Variants in TRAP1 observed in about 807,000 individuals in gnomAD.
TRAP1 encodes the protein heat shock protein 75 kDa, mitochondrial.
In TRAP1, 102 loss-of-function variants were observed where a neutral mutation model predicts 89.1. That is an observed-to-expected ratio of 1.15 (90% CI 0.98 to 1.35). The LOEUF (loss-of-function observed/expected upper bound fraction) is 1.35, where lower values mean the gene tolerates loss of function less well. Among genes scored for constraint, TRAP1 ranks in the 40% most tolerant of loss-of-function variants. The pLI is 0.00. For missense variants in TRAP1, 1,256 were observed against 945.3 expected, an observed-to-expected ratio of 1.33 and a Z score of -4.31; for synonymous variants, 508 against 388.0, an observed-to-expected ratio of 1.31 and a Z score of -3.64.
intron 7 of TRAP1, 37 bp downstream of exon 7, chr16:3,675,999 G>A (rs774039367): frequency 6.4e-7 from 1 of 1,573,506 alleles, no homozygotes; most frequent in Non-Finnish European, 8.7e-7. Context: ...GCCACACATG[G>A]ATCCCAGAGT....
intron 4 of TRAP1, among the ~76,000 whole-genome samples, chr16:3,685,315 C>T (rs1470053103): frequency 6.6e-5 from 10 of 152,230 alleles, no homozygotes; most frequent in Admixed American, 6.5e-4. Context: ...TGACACCTCA[C>T]AAAAGCCCCT....
rs137858605 is a variant in TRAP1 at position 3,686,077 on chromosome 16, T to A, written c.390A>T (p.Lys130Asn). The change falls in exon 4 of 18, where the codon AAA (lysine) becomes AAT (asparagine). Residue 130 changes from lysine to asparagine, a missense_variant. Transcript: ENST00000246957. The stretch of plus-strand genomic sequence containing the variant: ...GCAGTGCTTGGCCGTCAGACACCAG[T>A]TTGTGACGCAGTTTTTCCAAGGCAT... ...ASDALEKLRH[K>N]LVSDGQALPE... is the part of the protein sequence containing the mutation. 9 of 1,613,830 alleles carry A rather than the reference T, an allele frequency of 5.6e-6. No homozygotes were observed. Among genetic ancestry groups the A allele is most frequent in the Non-Finnish European group, 5.9e-6 (7 of 1,179,988 alleles).
chr16:3,674,205 G>T lies in TRAP1; in HGVS notation c.1044+134C>A, dbSNP rs1003470023. ...CAAAGTGCTGGGATAACAGGCGTGA[G>T]CCACCACACCCAGCACTACCTATGT... On this transcript the variant is annotated intron_variant, in intron 9 of 17. Coordinates refer to ENST00000246957, the MANE Select transcript of TRAP1 (RefSeq NM_016292.3). 7 of 1,253,004 alleles carry T rather than the reference G, an allele frequency of 5.6e-6. No individual in the cohort carries two copies. In the African/African-American group the frequency reaches 1.0e-4, roughly 19 times the overall value. 77.6% of individuals were successfully genotyped at this position (1,253,004 alleles called of 1,614,324 possible). A position where few individuals can be genotyped will look rare whatever the true frequency, so the allele number is the denominator to read the frequency against.
intron 1 of TRAP1, among the ~76,000 whole-genome samples, chr16:3,710,881 T>A (rs38024): frequency 0.11 from 15,131 of 132,116 alleles, 953 homozygotes; most frequent in Non-Finnish European, 0.16. Flanking sequence ...ATATATATAT[T>A]TTTTTTTTTG....
chr16:3,701,206 A>G (rs1412940493), intron 1 of TRAP1, among the ~76,000 whole-genome samples: 1 of 152,224 alleles, frequency 6.6e-6, no homozygotes, highest in East Asian at 1.9e-4. Context: ...AGGAAAAAAG[A>G]AGGATATTTC....
chr16:3,706,020 G>T (rs1357145134), intron 1 of TRAP1, among the ~76,000 whole-genome samples: 1 of 146,100 alleles, frequency 6.8e-6, no homozygotes, highest in African/African-American at 2.5e-5. Flanking sequence ...TTTTTGAGAC[G>T]GAGTCTCACT....
intron 11 of TRAP1, among the ~76,000 whole-genome samples, chr16:3,670,756 C>T (rs1228048269): frequency 1.3e-5 from 2 of 152,190 alleles, no homozygotes; most frequent in East Asian, 3.8e-4. Context: ...AAAAAAATCT[C>T]CATGGCTTTC....
chr16:3,666,161 T>A, intron 11 of TRAP1, 43 bp from the exon 12 acceptor site: 2 of 1,581,882 alleles, frequency 1.3e-6, no homozygotes, highest in Non-Finnish European at 1.7e-6. Context: ...GCAGCCTCTA[T>A]GAAATACAAA....
chr16:3,677,248 G>A (rs1170630570), intron 6 of TRAP1, among the ~76,000 whole-genome samples: 1 of 152,116 alleles, frequency 6.6e-6, no homozygotes, highest in African/African-American at 2.4e-5. Context: ...CACTGAGAAA[G>A]GAGCTCAGCG....
intron 11 of TRAP1, among the ~76,000 whole-genome samples, chr16:3,668,615 CTT>C (rs1302584840): frequency 1.3e-5 from 2 of 152,154 alleles, no homozygotes; most frequent in African/African-American, 4.8e-5. Flanking sequence ...TCGGCTGACT[CTT>C]TTCTGATCGA....
In TRAP1 at chr16:3,675,523, G is replaced by C. The variant is rs2050978197; in HGVS notation, c.815-126C>G. On this transcript the variant is annotated intron_variant, in intron 7 of 17. Transcript: ENST00000246957. The stretch of plus-strand genomic sequence containing the variant: ...CCTCCATGCTGTGTACACTTCACAG[G>C]TACAGAAACAGGGCACAGTGGGGAC... 4.7e-6 allele frequency: 4 copies of C among 860,152 alleles called. No homozygotes were observed. In the Admixed American group the frequency reaches 8.7e-5, roughly 19 times the overall value. The allele number at this position is 860,152 out of a possible 1,614,324, so 53.3% of individuals were successfully genotyped here.
chr16:3,682,525 G>T (rs921655226), intron 4 of TRAP1, among the ~76,000 whole-genome samples: 1 of 152,054 alleles, frequency 6.6e-6, no homozygotes, highest in Non-Finnish European at 1.5e-5. Flanking sequence ...GAGTAGCTGG[G>T]ACTACCGGCA....
chr16:3,683,892 G>A lies in TRAP1; in HGVS notation c.471+2104C>T, dbSNP rs369185733. The stretch of plus-strand genomic sequence containing the variant: ...TTAAAAGGAAATGGTGAGACTAGGC[G>A]CGGTGGCTCCCGCCTGTAATCCCAG... On this transcript the variant is annotated intron_variant, in intron 4 of 17. Transcript: ENST00000246957. 5.3e-5 allele frequency among the ~76,000 whole-genome samples: 8 copies of A among 152,148 alleles called. No individual in the cohort carries two copies. In the South Asian group the frequency reaches 6.2e-4, roughly 12 times the overall value.
intron 1 of TRAP1, among the ~76,000 whole-genome samples, chr16:3,710,859 A>G (rs547114623): frequency 0.017 from 2,240 of 130,802 alleles, 30 homozygotes; most frequent in South Asian, 0.051. Context: ...GTGTGTGTGT[A>G]TATATATATA....
chr16:3,712,933 G>C (rs1384252291), intron 1 of TRAP1, among the ~76,000 whole-genome samples: 2 of 152,042 alleles, frequency 1.3e-5, no homozygotes. Flanking sequence ...TTCTTTTTCA[G>C]GCACTCAGAT....
chr16:3,712,481 C>T (rs1242154093), intron 1 of TRAP1, among the ~76,000 whole-genome samples: 2 of 152,000 alleles, frequency 1.3e-5, no homozygotes, highest in African/African-American at 2.4e-5. Context: ...ATCCCCACCC[C>T]GCAAGCTGCA....
chr16:3,693,338 C>G (rs1325899864), intron 1 of TRAP1, among the ~76,000 whole-genome samples: 1 of 151,834 alleles, frequency 6.6e-6, no homozygotes, highest in African/African-American at 2.4e-5. Context: ...ATGTAAACAT[C>G]CAGTTATTTG....
intron 5 of TRAP1, among the ~76,000 whole-genome samples, 190 bp downstream of exon 5, chr16:3,679,529 T>C (rs547787572): frequency 6.6e-6 from 1 of 152,282 alleles, no homozygotes; most frequent in African/African-American, 2.4e-5. Context: ...AACCAACCCC[T>C]AGATACTGAG....
At position 3,676,103 on chromosome 16, in the gene TRAP1, GGTTCTAACTCCC is replaced by G. The variant is rs2050989496; in HGVS notation, c.735_746del (p.Val247_Gly250del). 6.2e-7 allele frequency: 1 copy of G among 1,613,654 alleles called. No homozygotes were observed. The highest frequency in any genetic ancestry group is 1.3e-5 in the African/African-American group (1 of 74,894). ...TCAGGTGGATGATGATTTTTGTCCC[GGTTCTAACTCCC>G]GAAGCTTCGGCGATTTCAAACACTC... is the stretch of plus-strand genomic sequence containing the variant. On this transcript the variant is annotated inframe_deletion, in exon 7 of 18. Coordinates refer to ENST00000246957, the MANE Select transcript of TRAP1 (RefSeq NM_016292.3).
Sources: gnomAD v4.1 joint callset for allele counts (sites outside exome capture counted in the v4.1 genomes callset) on GRCh38, gnomAD v4.1.1 for gene constraint, MANE v1.5 for transcripts, NCBI Gene and HGNC (gene_info 2026-07-23, HGNC 2026-07-21) for gene names.